Variants in SHANK2 observed in about 807,000 individuals in gnomAD.
The protein encoded by SHANK2 is SH3 and multiple ankyrin repeat domains 2.
SHANK2 carries 43 observed loss-of-function variants against 133.7 expected under a neutral mutation model. The observed-to-expected ratio is 0.32, with a 90% CI of 0.25 to 0.41. SHANK2 has a LOEUF of 0.41. Among genes scored for constraint, SHANK2 ranks in the 10% least tolerant of loss-of-function variants. The pLI is 1.00. For synonymous variants in SHANK2, 1,017 were observed against 952.8 expected, an observed-to-expected ratio of 1.07 and a Z score of -1.24; for missense variants, 1,994 against 2,235.8, an observed-to-expected ratio of 0.89 and a Z score of 2.18.
intron 17 of SHANK2, among the ~76,000 whole-genome samples, chr11:70,547,419 C>T (rs1378505003): frequency 1.3e-5 from 2 of 152,124 alleles, no homozygotes; most frequent in Admixed American, 6.6e-5. Flanking sequence ...TGTCACCACA[C>T]CTGGCTAATT....
intron 14 of SHANK2, among the ~76,000 whole-genome samples, chr11:70,738,737 G>C (rs1317931468): frequency 2.0e-5 from 3 of 152,198 alleles, no homozygotes; most frequent in Admixed American, 1.3e-4. Flanking sequence ...CCTGACAATA[G>C]AGCCAACTAG....
intron 17 of SHANK2, among the ~76,000 whole-genome samples, chr11:70,602,072 A>G (rs1166700737): frequency 1.3e-5 from 2 of 152,178 alleles, no homozygotes; most frequent in African/African-American, 4.8e-5. Flanking sequence ...TCCTTGCAAT[A>G]GTGAGTGAGT....
intron 6 of SHANK2, among the ~76,000 whole-genome samples, chr11:71,104,494 G>A (rs1368639314): frequency 1.3e-5 from 2 of 152,254 alleles, no homozygotes. Context: ...GAAGCAAAGT[G>A]AAGGTGGTGT....
intron 25 of SHANK2, among the ~76,000 whole-genome samples, chr11:70,481,252 T>A (rs556186232): frequency 6.6e-6 from 1 of 152,260 alleles, no homozygotes; most frequent in Non-Finnish European, 1.5e-5. Flanking sequence ...CTTCATCATC[T>A]TCCTTTCGTC....
intron 8 of SHANK2, among the ~76,000 whole-genome samples, chr11:71,085,657 T>TAACA (rs1565441558): frequency 6.8e-5 from 1 of 14,700 alleles, no homozygotes; most frequent in Non-Finnish European, 3.1e-4. Context: ...ATGTTATATA[T>TAACA]TATATTATAT....
chr11:70,680,161 G>C (rs1290903389), intron 15 of SHANK2, among the ~76,000 whole-genome samples: 1 of 152,194 alleles, frequency 6.6e-6, no homozygotes, highest in African/African-American at 2.4e-5. Context: ...ATCCCAGGGA[G>C]TTACACACTC....
At chr11:70,533,251 A>G (rs1304420516) in intron 17 of SHANK2, among the ~76,000 whole-genome samples, 2 of 152,068 alleles carry the variant, frequency 1.3e-5, no homozygotes, top group Non-Finnish European at 2.9e-5. Flanking sequence ...TACATTTTAC[A>G]TTTTTAGACT....
At chr11:71,063,313 G>A (rs1951010264) in intron 9 of SHANK2, among the ~76,000 whole-genome samples, 1 of 152,150 alleles carries the variant, frequency 6.6e-6, no homozygotes, top group East Asian at 1.9e-4. Flanking sequence ...GTGTTTCCCA[G>A]ACGTCAAAAA....
chr11:70,954,138 T>C (rs1431300629), intron 10 of SHANK2, among the ~76,000 whole-genome samples: 2 of 152,238 alleles, frequency 1.3e-5, no homozygotes, highest in Admixed American at 1.3e-4. Flanking sequence ...CATGACCTTG[T>C]TCCCACATCC....
chr11:70,705,536 G>C (rs542358620), intron 14 of SHANK2: 1 of 152,338 alleles, frequency 6.6e-6, no homozygotes, highest in East Asian at 1.9e-4. Context: ...ATCCCATTAA[G>C]CATGGCCAGA....
intron 17 of SHANK2, among the ~76,000 whole-genome samples, chr11:70,627,235 G>A (rs890603689): frequency 6.6e-6 from 1 of 152,198 alleles, no homozygotes; most frequent in Admixed American, 6.5e-5. Context: ...GTTAGGTGCG[G>A]CCAAGTGAGC....
At chr11:71,241,541 T>C (rs1296946319) in intron 1 of SHANK2, among the ~76,000 whole-genome samples, 3 of 152,198 alleles carry the variant, frequency 2.0e-5, no homozygotes, top group Non-Finnish European at 2.9e-5. Flanking sequence ...GGAAAGCATC[T>C]AATCAGTTAA....
At chr11:70,788,125 G>A (rs1555047113) in intron 14 of SHANK2, among the ~76,000 whole-genome samples, 1 of 152,212 alleles carries the variant, frequency 6.6e-6, no homozygotes, top group Admixed American at 6.5e-5. Context: ...GGGAGAGCAG[G>A]TGGATCCCAG....
At chr11:71,143,350 A>T (rs1555106120) in intron 3 of SHANK2, among the ~76,000 whole-genome samples, 1 of 152,240 alleles carries the variant, frequency 6.6e-6, no homozygotes, top group African/African-American at 2.4e-5. Context: ...TGAATTTTGT[A>T]TTGGGGTATG....
chr11:70,761,081 G>A (rs1946987303), intron 14 of SHANK2, among the ~76,000 whole-genome samples: 1 of 152,156 alleles, frequency 6.6e-6, no homozygotes, highest in African/African-American at 2.4e-5. Context: ...TCAGTGTGCT[G>A]GGTCTCTGGA....
At chr11:71,073,141 TCTTTTCTTTTTTTTCTTTTTTTTC>T (rs1951165788) in intron 9 of SHANK2, among the ~76,000 whole-genome samples, 1 of 92,592 alleles carries the variant, frequency 1.1e-5, no homozygotes, top group East Asian at 2.9e-4. Flanking sequence ...TTTTTCTTTT[TCTTTTCTTTTTTTTCTTTTTTTTC>T]TTTTTTTTTT....
At chr11:70,753,700 C>CT (rs1565292994) in intron 14 of SHANK2, among the ~76,000 whole-genome samples, 1 of 152,124 alleles carries the variant, frequency 6.6e-6, no homozygotes, top group Non-Finnish European at 1.5e-5. Context: ...GTGACCAAGT[C>CT]TAAGATAAAT....
At chr11:70,527,857 C>T (rs374692393) in intron 17 of SHANK2, among the ~76,000 whole-genome samples, 2 of 152,226 alleles carry the variant, frequency 1.3e-5, no homozygotes, top group Non-Finnish European at 2.9e-5. Flanking sequence ...GAGGAGGCTG[C>T]GGAGGCAGCC....
At chr11:70,712,207 C>A (rs1158978424) in intron 14 of SHANK2, among the ~76,000 whole-genome samples, 1 of 152,206 alleles carries the variant, frequency 6.6e-6, no homozygotes, top group Non-Finnish European at 1.5e-5. Flanking sequence ...GTCCTTCCCC[C>A]CACTGCATTG....
Sources: gnomAD v4.1 joint callset for allele counts (sites outside exome capture counted in the v4.1 genomes callset) on GRCh38, gnomAD v4.1.1 for gene constraint, MANE v1.5 for transcripts, NCBI Gene and HGNC (gene_info 2026-07-23, HGNC 2026-07-21) for gene names.